The following DCDC1 variants were observed in gnomAD, a reference collection of about 807,000 sequenced individuals.
DCDC1 encodes the protein doublecortin domain-containing protein 1.
A neutral mutation model predicts 178.3 loss-of-function variants in DCDC1; 200 were observed. The observed-to-expected ratio is 1.12, with a 90% confidence interval of 1.00 to 1.26. The LOEUF is 1.26. Among genes scored for constraint, DCDC1 ranks in the 50% most tolerant of loss-of-function variants. DCDC1 has a pLI of 0.00. For synonymous variants in DCDC1, 690 were observed against 604.8 expected, an observed-to-expected ratio of 1.14 and a Z score of -2.07; for missense variants, 1,983 against 1,749.2, an observed-to-expected ratio of 1.13 and a Z score of -2.38.
At chr11:31,087,291 T>A (rs1226295029) in intron 17 of DCDC1, among the ~76,000 whole-genome samples, 1 of 152,222 alleles carries the variant, frequency 6.6e-6, no homozygotes, top group Admixed American at 6.5e-5. Flanking sequence ...ATTAGTTTTT[T>A]TTAATCTTTT....
At chr11:31,114,691 G>A (rs2135831610) in intron 11 of DCDC1, among the ~76,000 whole-genome samples, 1 of 152,284 alleles carries the variant, frequency 6.6e-6, no homozygotes, top group South Asian at 2.1e-4. Context: ...CTGGAGCAGA[G>A]TGATGCAGAG....
At chr11:31,093,645 C>A (rs1318506562) in intron 16 of DCDC1, among the ~76,000 whole-genome samples, 1 of 152,118 alleles carries the variant, frequency 6.6e-6, no homozygotes, top group African/African-American at 2.4e-5. Context: ...TACGTCCTTG[C>A]TAAGACAATA....
In DCDC1 at chr11:31,226,809, A is replaced by T. The variant is rs182787896; in HGVS notation, c.1221+14641T>A. Among the ~76,000 whole-genome samples the T allele has an allele frequency of 4.6e-5, 7 of 152,138 alleles. No individual in the cohort carries two copies. The East Asian group carries it at 1.3e-3, about 29-fold the overall frequency. ...AGGACGCTTGGATTTATTAAGGAAT[A>T]AAGACTATCAAAACCCATAAGTATG... On this transcript the variant is annotated intron_variant, in intron 9 of 38. Coordinates refer to ENST00000684477, the MANE Select transcript of DCDC1 (RefSeq NM_001387274.1).
At chr11:31,274,422 GATCAT>G (rs1478164087) in intron 7 of DCDC1, among the ~76,000 whole-genome samples, 1 of 152,080 alleles carries the variant, frequency 6.6e-6, no homozygotes, top group Non-Finnish European at 1.5e-5. Flanking sequence ...TTTATAAAAT[GATCAT>G]ATCATTACAT....
At chr11:30,958,089 A>G (rs1948873365) in intron 20 of DCDC1, among the ~76,000 whole-genome samples, 1 of 152,202 alleles carries the variant, frequency 6.6e-6, no homozygotes, top group South Asian at 2.1e-4. Flanking sequence ...CTGTGAGTGG[A>G]ATACTTGATC....
chr11:31,240,869 C>A (rs943584752), intron 9 of DCDC1, among the ~76,000 whole-genome samples: 2 of 151,932 alleles, frequency 1.3e-5, no homozygotes, highest in Non-Finnish European at 2.9e-5. Flanking sequence ...CCTTTACCCA[C>A]ACACATACAA....
chr11:31,341,457 C>A (rs1022867842), intron 1 of DCDC1, among the ~76,000 whole-genome samples: 1 of 146,576 alleles, frequency 6.8e-6, no homozygotes, highest in South Asian at 2.1e-4. Flanking sequence ...TGCTTAACAA[C>A]GGGGATACGT....
At chr11:31,091,916 G>A (rs542240537) in intron 16 of DCDC1, among the ~76,000 whole-genome samples, 1 of 152,192 alleles carries the variant, frequency 6.6e-6, no homozygotes, top group East Asian at 1.9e-4. Context: ...CTTAACCTTT[G>A]TATCAATTTA....
chr11:31,017,301 C>T (rs1952542429), intron 20 of DCDC1, among the ~76,000 whole-genome samples: 1 of 152,154 alleles, frequency 6.6e-6, no homozygotes, highest in Non-Finnish European at 1.5e-5. Context: ...CCTCAGCCCA[C>T]TCAACATGAA....
At chr11:30,869,324 T>G (rs569985685) in intron 38 of DCDC1, among the ~76,000 whole-genome samples, 1 of 152,370 alleles carries the variant, frequency 6.6e-6, no homozygotes. Flanking sequence ...AGAAGAAAGT[T>G]CTACAAAAAG....
intron 9 of DCDC1, among the ~76,000 whole-genome samples, chr11:31,203,563 G>C (rs868750311): frequency 2.0e-5 from 3 of 152,130 alleles, no homozygotes; most frequent in Non-Finnish European, 2.9e-5. Context: ...CTACCCAGGG[G>C]CTCCCCTGTT....
chr11:31,185,044 T>G (rs1052026318), intron 9 of DCDC1, among the ~76,000 whole-genome samples: 5 of 151,958 alleles, frequency 3.3e-5, no homozygotes, highest in African/African-American at 1.2e-4. Flanking sequence ...ATAAAGAAAA[T>G]GTGGCACATA....
At chr11:30,981,951 T>C (rs1950411713) in intron 20 of DCDC1, among the ~76,000 whole-genome samples, 1 of 152,098 alleles carries the variant, frequency 6.6e-6, no homozygotes, top group Non-Finnish European at 1.5e-5. Context: ...CATACTACTG[T>C]GAAAAAAGGC....
At chr11:31,181,571 A>G (rs1968801924) in intron 9 of DCDC1, among the ~76,000 whole-genome samples, 2 of 152,240 alleles carry the variant, frequency 1.3e-5, no homozygotes, top group Non-Finnish European at 2.9e-5. Flanking sequence ...TACCCAGGCA[A>G]ACAGGGTCTG....
intron 9 of DCDC1, among the ~76,000 whole-genome samples, chr11:31,204,228 A>C (rs1971621107): frequency 6.6e-6 from 1 of 152,208 alleles, no homozygotes; most frequent in Non-Finnish European, 1.5e-5. Context: ...AGTTTTACTT[A>C]GAGGGAAGTG....
chr11:31,340,073 C>A (rs757348861), intron 1 of DCDC1, among the ~76,000 whole-genome samples: 2 of 152,110 alleles, frequency 1.3e-5, no homozygotes, highest in Non-Finnish European at 2.9e-5. Context: ...AAAAGCATTT[C>A]CTCCTCACTA....
Position 31,196,553 on chromosome 11 carries a change from G to A in DCDC1, c.1221+44897C>T, listed in dbSNP as rs145653584. ...ATGACTCACTGAACTCAGGGAAACC[G>A]TTTATTTACTATTACCAGTTTATTA... On this transcript the variant is annotated intron_variant, in intron 9 of 38. Coordinates refer to ENST00000684477, the MANE Select transcript of DCDC1 (RefSeq NM_001387274.1). 2.1e-3 allele frequency among the ~76,000 whole-genome samples: 320 copies of A among 152,106 alleles called. 8 individuals are homozygous for A. In the East Asian group the frequency reaches 0.04, roughly 19 times the overall value.
chr11:31,008,736 C>A (rs1385880674), intron 20 of DCDC1, among the ~76,000 whole-genome samples: 1 of 152,134 alleles, frequency 6.6e-6, no homozygotes, highest in Non-Finnish European at 1.5e-5. Context: ...CAATGAGTTG[C>A]ACTGCAGCCA....
At chr11:30,930,575 T>C (rs1946862427) in intron 22 of DCDC1, among the ~76,000 whole-genome samples, 1 of 152,168 alleles carries the variant, frequency 6.6e-6, no homozygotes, top group South Asian at 2.1e-4. Context: ...AGCACAGCAT[T>C]TCACATATTC....
Sources: gnomAD v4.1 joint callset for allele counts (sites outside exome capture counted in the v4.1 genomes callset) on GRCh38, gnomAD v4.1.1 for gene constraint, MANE v1.5 for transcripts, NCBI Gene and HGNC (gene_info 2026-07-23, HGNC 2026-07-21) for gene names.